Variants in GRIN2B observed in about 807,000 individuals in gnomAD.
The protein encoded by GRIN2B is glutamate receptor ionotropic, NMDA 2B.
A neutral mutation model predicts 114.5 loss-of-function variants in GRIN2B; 5 were observed. That is an observed-to-expected ratio of 0.04 (90% confidence interval 0.02 to 0.09). GRIN2B has a LOEUF of 0.09. Among genes scored for constraint, GRIN2B ranks in the 10% least tolerant of loss-of-function variants. The pLI is 1.00. For missense variants in GRIN2B, 1,108 were observed against 1,943.5 expected (o/e 0.57, Z 8.08); for synonymous variants, 787 against 745.1 (o/e 1.06, Z -0.92).
intron 2 of GRIN2B, among the ~76,000 whole-genome samples, chr12:13,876,823 T>C (rs1423630799): frequency 6.6e-6 from 1 of 152,004 alleles, no homozygotes; most frequent in South Asian, 2.1e-4. Context: ...GTCTTATTTA[T>C]CTATCTCCAG....
At chr12:13,897,268 G>C (rs538228568) in intron 2 of GRIN2B, among the ~76,000 whole-genome samples, 6 of 152,224 alleles carry the variant, frequency 3.9e-5, no homozygotes, top group Admixed American at 3.3e-4. Context: ...AGCCTAGCTA[G>C]AGCCCCACTG....
intron 2 of GRIN2B, among the ~76,000 whole-genome samples, chr12:13,935,595 T>A (rs1867111846): frequency 6.6e-6 from 1 of 152,236 alleles, no homozygotes; most frequent in African/African-American, 2.4e-5. Flanking sequence ...CCCTTATGCA[T>A]CTGTTTCCTC....
chr12:13,908,675 T>G (rs997362216), intron 2 of GRIN2B, among the ~76,000 whole-genome samples: 3 of 152,126 alleles, frequency 2.0e-5, no homozygotes, highest in African/African-American at 7.2e-5. Flanking sequence ...TCTCCTTCCC[T>G]ACAACATTTC....
intron 3 of GRIN2B, among the ~76,000 whole-genome samples, chr12:13,850,597 T>C (rs1865544355): frequency 6.6e-6 from 1 of 152,298 alleles, no homozygotes; most frequent in East Asian, 1.9e-4. Context: ...ATCCCACTCT[T>C]GTCTCTCCCT....
intron 3 of GRIN2B, among the ~76,000 whole-genome samples, chr12:13,800,397 G>T (rs1248443237): frequency 6.6e-6 from 1 of 152,098 alleles, no homozygotes; most frequent in Non-Finnish European, 1.5e-5. Context: ...CACTGACAGT[G>T]TTTGTTAAAC....
At chr12:13,954,299 G>A (rs951906339) in intron 2 of GRIN2B, among the ~76,000 whole-genome samples, 2 of 152,148 alleles carry the variant, frequency 1.3e-5, no homozygotes, top group African/African-American at 4.8e-5. Context: ...AAGGGTGCTG[G>A]CCAGGTTAGA....
chr12:13,812,571 T>A (rs1457562493), intron 3 of GRIN2B, among the ~76,000 whole-genome samples: 1 of 152,216 alleles, frequency 6.6e-6, no homozygotes, highest in Non-Finnish European at 1.5e-5. Context: ...ACTAAAGAAA[T>A]ATTAGTACAA....
intron 2 of GRIN2B, among the ~76,000 whole-genome samples, chr12:13,881,339 T>A (rs1256234330): frequency 6.6e-6 from 1 of 152,182 alleles, no homozygotes; most frequent in Non-Finnish European, 1.5e-5. Context: ...GCGGTCTCCT[T>A]CGGCACCTCT....
At chr12:13,939,351 C>A (rs546269952) in intron 2 of GRIN2B, among the ~76,000 whole-genome samples, 1 of 151,986 alleles carries the variant, frequency 6.6e-6, no homozygotes, top group Non-Finnish European at 1.5e-5. Context: ...TGGTGCCTTT[C>A]CCCAGGTAAT....
chr12:13,935,471 A>G (rs1018816480), intron 2 of GRIN2B, among the ~76,000 whole-genome samples: 1 of 152,194 alleles, frequency 6.6e-6, no homozygotes, highest in African/African-American at 2.4e-5. Context: ...AGCGCTGACT[A>G]TTGTCAAGTC....
chr12:13,954,411 A>G (rs995203198), intron 2 of GRIN2B, among the ~76,000 whole-genome samples: 2 of 152,210 alleles, frequency 1.3e-5, no homozygotes, highest in Admixed American at 6.5e-5. Context: ...GTGGGAGCTC[A>G]GAGCACTTCT....
intron 5 of GRIN2B, among the ~76,000 whole-genome samples, chr12:13,620,711 CCA>C (rs2136486480): frequency 6.6e-6 from 1 of 152,236 alleles, no homozygotes; most frequent in African/African-American, 2.4e-5. Context: ...GAGGTGCCTT[CCA>C]CATAATTTCA....
chr12:13,728,060 T>C (rs545715783), intron 4 of GRIN2B, among the ~76,000 whole-genome samples: 8 of 152,216 alleles, frequency 5.3e-5, no homozygotes, highest in Admixed American at 1.3e-4. Context: ...TTGTTGGAGA[T>C]TGTGGGCCCC....
intron 3 of GRIN2B, among the ~76,000 whole-genome samples, chr12:13,851,059 A>T (rs1034874463): frequency 1.2e-4 from 18 of 151,968 alleles, no homozygotes; most frequent in Non-Finnish European, 2.5e-4. Context: ...AATGAAGCTG[A>T]CCTCTTCTGA....
chr12:13,850,023 CT>C (rs1410049077), intron 3 of GRIN2B, among the ~76,000 whole-genome samples: 2 of 152,134 alleles, frequency 1.3e-5, no homozygotes, highest in Non-Finnish European at 2.9e-5. Flanking sequence ...ACAATAGATG[CT>C]GAAGGACCAG....
chr12:13,916,757 G>A (rs866793950), intron 2 of GRIN2B, among the ~76,000 whole-genome samples: 2 of 149,218 alleles, frequency 1.3e-5, no homozygotes, highest in African/African-American at 4.9e-5. Flanking sequence ...GTGTGTGTGT[G>A]TGTATTTTAA....
chr12:13,668,970 G>T (rs2136534296), intron 5 of GRIN2B, among the ~76,000 whole-genome samples: 1 of 146,168 alleles, frequency 6.8e-6, no homozygotes, highest in African/African-American at 2.5e-5. Context: ...GGTTGGAAGG[G>T]GAGGGAGAGG....
chr12:13,717,551 C>T (rs567106424), intron 4 of GRIN2B, among the ~76,000 whole-genome samples: 1 of 151,996 alleles, frequency 6.6e-6, no homozygotes, highest in South Asian at 2.1e-4. Flanking sequence ...CAATAGGGCT[C>T]CTGGCACAGA....
intron 4 of GRIN2B, among the ~76,000 whole-genome samples, chr12:13,689,601 C>A (rs997359401): frequency 1.3e-5 from 2 of 152,184 alleles, no homozygotes; most frequent in Non-Finnish European, 2.9e-5. Context: ...TGCCTTATAT[C>A]ATTGCCACCC....
Sources: gnomAD v4.1 joint callset for allele counts (sites outside exome capture counted in the v4.1 genomes callset) on GRCh38, gnomAD v4.1.1 for gene constraint, MANE v1.5 for transcripts, NCBI Gene and HGNC (gene_info 2026-07-23, HGNC 2026-07-21) for gene names.